GRIP1: variants seen among roughly 807,000 people sequenced by gnomAD.
The protein encoded by GRIP1 is glutamate receptor-interacting protein 1.
A neutral mutation model predicts 129.9 loss-of-function variants in GRIP1; 45 were observed. That is an observed-to-expected ratio of 0.35 (90% CI 0.27 to 0.44). The LOEUF (loss-of-function observed/expected upper bound fraction) is 0.44. Among genes scored for constraint, GRIP1 ranks in the 20% least tolerant of loss-of-function variants. GRIP1 has a pLI of 1.00. For missense variants in GRIP1, 1,196 were observed against 1,396.8 expected, an observed-to-expected ratio of 0.86 and a Z score of 2.29; for synonymous variants, 530 against 520.8, an observed-to-expected ratio of 1.02 and a Z score of -0.24.
At chr12:66,462,743 A>T (rs368629253) in intron 9 of GRIP1, among the ~76,000 whole-genome samples, 181 bp downstream of exon 9, 23 of 143,578 alleles carry the variant, frequency 1.6e-4, no homozygotes, top group African/African-American at 6.0e-4. Flanking sequence ...CAGAGGTTGG[A>T]GTCAACCGAG....
At chr12:66,943,809 G>A (rs1473528439) in intron 1 of GRIP1, among the ~76,000 whole-genome samples, 1 of 152,168 alleles carries the variant, frequency 6.6e-6, no homozygotes, top group East Asian at 1.9e-4. Flanking sequence ...AAAACGGTGT[G>A]AGAATTTGAT....
At chr12:66,918,517 C>T (rs1177388536) in intron 1 of GRIP1, among the ~76,000 whole-genome samples, 1 of 152,138 alleles carries the variant, frequency 6.6e-6, no homozygotes, top group Non-Finnish European at 1.5e-5. Flanking sequence ...AATGATCACC[C>T]CAACCAATGA....
chr12:66,477,476 G>T (rs529965543), intron 7 of GRIP1, among the ~76,000 whole-genome samples: 1 of 152,034 alleles, frequency 6.6e-6, no homozygotes, highest in Non-Finnish European at 1.5e-5. Context: ...TAGATTCAAT[G>T]CCATCCCCAT....
intron 2 of GRIP1, among the ~76,000 whole-genome samples, chr12:66,591,160 G>A (rs539607339): frequency 9.0e-4 from 137 of 152,056 alleles, no homozygotes; most frequent in African/African-American, 3.1e-3. Context: ...TTCATATAGC[G>A]ATAACTACTA....
chr12:66,515,849 G>A (rs920475758), intron 6 of GRIP1, 85 bp from the exon 7 acceptor site: 53 of 1,090,474 alleles, frequency 4.9e-5, no homozygotes, highest in African/African-American at 1.2e-4. Flanking sequence ...AATTCGTTTT[G>A]TCACACATAT....
Position 66,929,155 on chromosome 12 carries a change from T to C in GRIP1, c.58+139895A>G, listed in dbSNP as rs562805895. ...CCCAGATTAGAAGTTTAGCTACAGC[T>C]CTAACCACATATGTGAGGCTACAGA... is the stretch of plus-strand genomic sequence containing the variant. On this transcript the variant is annotated intron_variant, in intron 1 of 1. Coordinates refer to the GRIP1 transcript ENST00000643019. Among the ~76,000 whole-genome samples, 20 of 152,328 alleles carry C rather than the reference T, an allele frequency of 1.3e-4. No individual in the cohort carries two copies. In the South Asian group the frequency reaches 2.1e-3, roughly 16 times the overall value.
chr12:66,557,180 T>A (rs184428558), intron 2 of GRIP1, among the ~76,000 whole-genome samples: 146 of 150,046 alleles, frequency 9.7e-4, no homozygotes, highest in African/African-American at 3.4e-3. Flanking sequence ...GTAGCTATAT[T>A]TCTATCAGAC....
chr12:67,008,599 C>T (rs192164606), intron 1 of GRIP1, among the ~76,000 whole-genome samples: 3 of 152,270 alleles, frequency 2.0e-5, no homozygotes, highest in Admixed American at 2.0e-4. Context: ...ATCAACACAA[C>T]ATACTAAATA....
chr12:66,817,311 G>A (rs1328119274), intron 1 of GRIP1, among the ~76,000 whole-genome samples: 1 of 151,240 alleles, frequency 6.6e-6, no homozygotes. Flanking sequence ...AGACCCATCT[G>A]CTCTTTAAAA....
intron 23 of GRIP1, among the ~76,000 whole-genome samples, chr12:66,369,340 C>CTTTTT (rs758593628): frequency 1.7e-4 from 18 of 106,756 alleles, no homozygotes; most frequent in African/African-American, 2.7e-4. Context: ...TTAACAAGAT[C>CTTTTT]TTTTTTTTTT....
chr12:66,880,844 T>A (rs1422784104), intron 1 of GRIP1, among the ~76,000 whole-genome samples: 3 of 152,172 alleles, frequency 2.0e-5, no homozygotes, highest in Admixed American at 6.5e-5. Context: ...CTTTTGTTAA[T>A]GTTTCCTAAG....
At chr12:66,368,037 T>C (rs183722931) in intron 23 of GRIP1, among the ~76,000 whole-genome samples, 25 of 152,230 alleles carry the variant, frequency 1.6e-4, no homozygotes, top group African/African-American at 5.8e-4. Context: ...CAGCAGATGA[T>C]GAGAAGTGAG....
intron 1 of GRIP1, among the ~76,000 whole-genome samples, chr12:66,815,392 T>TA (rs2039188134): frequency 6.6e-6 from 1 of 152,184 alleles, no homozygotes; most frequent in African/African-American, 2.4e-5. Context: ...CCAAGGGGTC[T>TA]AGGCCTGAGA....
chr12:66,683,771 C>G (rs927953756), upstream of GRIP1, among the ~76,000 whole-genome samples: 1 of 152,152 alleles, frequency 6.6e-6, no homozygotes, highest in Non-Finnish European at 1.5e-5. Flanking sequence ...AGGTAACAAC[C>G]TTAGAAATTC....
At chr12:66,854,545 C>T (rs1364610505) in intron 1 of GRIP1, among the ~76,000 whole-genome samples, 1 of 151,960 alleles carries the variant, frequency 6.6e-6, no homozygotes, top group African/African-American at 2.4e-5. Flanking sequence ...TTCTTATAAT[C>T]TCATTGAATC....
At chr12:66,783,789 GT>G (rs2038233027) in intron 1 of GRIP1, among the ~76,000 whole-genome samples, 1 of 152,068 alleles carries the variant, frequency 6.6e-6, no homozygotes, top group Non-Finnish European at 1.5e-5. Context: ...TTGAACTCAA[GT>G]TTGAGTTCAA....
chr12:66,821,760 A>G (rs1248118829), intron 1 of GRIP1, among the ~76,000 whole-genome samples: 1 of 152,210 alleles, frequency 6.6e-6, no homozygotes, highest in Non-Finnish European at 1.5e-5. Flanking sequence ...GTGACTTAGG[A>G]GGAAAAGGAG....
chr12:66,793,806 A>G (rs1361879809), intron 1 of GRIP1, among the ~76,000 whole-genome samples: 1 of 152,198 alleles, frequency 6.6e-6, no homozygotes. Context: ...ATATTGGCTG[A>G]TAATAGCTAA....
chr12:66,685,180 G>GC (rs1426358224), intron 1 of GRIP1, among the ~76,000 whole-genome samples: 2 of 152,114 alleles, frequency 1.3e-5, no homozygotes, highest in Non-Finnish European at 1.5e-5. Context: ...GAGGTTCTGG[G>GC]CCCCACACAT....
Sources: gnomAD v4.1 joint callset for allele counts (sites outside exome capture counted in the v4.1 genomes callset) on GRCh38, gnomAD v4.1.1 for gene constraint, MANE v1.5 for transcripts, NCBI Gene and HGNC (gene_info 2026-07-23, HGNC 2026-07-21) for gene names.